Variants in PLCB3 observed in about 807,000 individuals in gnomAD.
PLCB3 encodes 1-phosphatidylinositol 4,5-bisphosphate phosphodiesterase beta-3.
Under a neutral mutation model 152.1 loss-of-function variants are expected in PLCB3, and 54 were observed. The observed-to-expected ratio is 0.36, with a 90% CI of 0.29 to 0.45. PLCB3 has a LOEUF of 0.45. PLCB3 is among the 20% of genes least tolerant of loss of function. PLCB3 has a pLI of 1.00. For missense variants in PLCB3, 1,248 were observed against 1,687.5 expected, an observed-to-expected ratio of 0.74 and a Z score of 4.56; for synonymous variants, 717 against 698.7, an observed-to-expected ratio of 1.03 and a Z score of -0.41.
chr11:64,259,912 G>A lies in PLCB3; in HGVS notation c.1526-117G>A, dbSNP rs182394690. The A allele has an allele frequency of 5.9e-4, 479 of 811,676 alleles. 1 individual carries two copies. The African/African-American group carries it at 7.2e-3, about 12-fold the overall frequency. 50.3% of individuals were successfully genotyped at this position (811,676 alleles called of 1,614,324 possible). A position where few individuals can be genotyped will look rare whatever the true frequency, so the allele number is the denominator to read the frequency against. ...CTCTCCCCAAGCCACACTGCCCTGA[G>A]AGTACCCCTTGAATTCCCCACTGAG... On this transcript the variant is annotated intron_variant, in intron 13 of 30. Coordinates refer to ENST00000279230, the MANE Select transcript of PLCB3 (RefSeq NM_000932.5).
At position 64,261,984 on chromosome 11, in the gene PLCB3, C is replaced by T; in HGVS notation, c.1946C>T (p.Pro649Leu). The T allele has an allele frequency of 6.2e-7, 1 of 1,614,186 alleles. No individual in the cohort carries two copies. Reference sequence around the variant, plus strand: ...AAGCAGCAGCTCAGCCGCATCTACCCCAAGGGCACCCGCGTGGACTCCTCC... The same window carrying T: ...AAGCAGCAGCTCAGCCGCATCTACCTCAAGGGCACCCGCGTGGACTCCTCC... ...YNKQQLSRIY[P>L]KGTRVDSSNY... The change falls in exon 17 of 31, where the codon CCC becomes CTC. Residue 649 changes from proline (P) to leucine (L), a missense_variant. Around this residue, in one of 6 missense-constraint regions of PLCB3, gnomAD observed 244 missense variants for 424.4 expected, o/e 0.57. Transcript: ENST00000279230.
At chr11:64,259,806 A>G (rs1282056079) in intron 13 of PLCB3, among the ~76,000 whole-genome samples, 2 of 152,100 alleles carry the variant, frequency 1.3e-5, no homozygotes, top group Non-Finnish European at 2.9e-5. Context: ...CCTGCTGAAT[A>G]TCACTGCAGA....
intron 14 of PLCB3, among the ~76,000 whole-genome samples, chr11:64,261,169 G>A (rs867966431): frequency 6.6e-6 from 1 of 152,232 alleles, no homozygotes; most frequent in African/African-American, 2.4e-5. Flanking sequence ...GCCGGGCAAG[G>A]TGGCGGGCGC....
chr11:64,253,828 C>A (rs547126960), intron 1 of PLCB3, among the ~76,000 whole-genome samples: 1 of 152,302 alleles, frequency 6.6e-6, no homozygotes, highest in South Asian at 2.1e-4. Context: ...TGTTCTTCTA[C>A]GAGATGGGGA....
chr11:64,251,737 A>C lies in PLCB3; in HGVS notation c.88A>C (p.Lys30Gln). 3.4e-6 allele frequency: 5 copies of C among 1,465,330 alleles called. No homozygotes were observed. Among genetic ancestry groups the C allele is most frequent in the Non-Finnish European group, 3.6e-6 (4 of 1,102,650 alleles). 90.8% of individuals were successfully genotyped at this position (1,465,330 alleles called of 1,614,324 possible). Reference protein sequence around the residue: ...ETLRRGSKFIKWDEETSSRNL... With the variant: ...ETLRRGSKFIQWDEETSSRNL... Reference sequence around the variant, plus strand: ...CCTGCGGCGCGGGAGTAAGTTCATCAAATGGGACGAGGTAAGCGCGCGGGC... The same window carrying C: ...CCTGCGGCGCGGGAGTAAGTTCATCCAATGGGACGAGGTAAGCGCGCGGGC... Residue 30 changes from lysine (K) to glutamine (Q), a missense_variant, in exon 1 of 31, where the codon AAA (lysine) becomes CAA (glutamine). Lys to Gln is a moderately conservative substitution (Grantham distance 53). Transcript: ENST00000279230.
At chr11:64,257,267 G>C (rs2031590478) in intron 10 of PLCB3, among the ~76,000 whole-genome samples, 1 of 152,138 alleles carries the variant, frequency 6.6e-6, no homozygotes, top group South Asian at 2.1e-4. Flanking sequence ...CCCTCCCAAA[G>C]TGCTGGGATT....
chr11:64,255,344 G>A lies in PLCB3; in HGVS notation c.467+31G>A. 6.2e-7 allele frequency: 1 copy of A among 1,613,652 alleles called. No individual in the cohort carries two copies. Among genetic ancestry groups the A allele is most frequent in the African/African-American group, 1.3e-5 (1 of 75,044 alleles). On this transcript the variant is annotated intron_variant, in intron 5 of 30. Coordinates refer to ENST00000279230, the MANE Select transcript of PLCB3 (RefSeq NM_000932.5). The surrounding 1 kb of genome is among the most constrained non-coding windows in gnomAD (Gnocchi z 6.8). ...CCCCAGGCCACCCGAGGGGGAGCCG[G>A]GGGGTTCACGTGGCCGTTTTCAGGG...
At position 64,264,028 on chromosome 11, in the gene PLCB3, G is replaced by A. The variant is rs201346632; in HGVS notation, c.2568G>A (p.Ala856=). 5 of 1,573,758 alleles carry A rather than the reference G, an allele frequency of 3.2e-6. No individual in the cohort carries two copies. Among genetic ancestry groups the A allele is most frequent in the African/African-American group, 2.7e-5 (2 of 73,476 alleles). Residue 856 remains alanine (A), a synonymous_variant, in exon 22 of 31, where the codon GCG becomes GCA. Coordinates refer to ENST00000279230, the MANE Select transcript of PLCB3 (RefSeq NM_000932.5). ...DYIPDDHQDY[A]EALINPIKHV... is the part of the protein sequence containing the mutation. ...CCTTCTGCCTCCCCCCAGACTATGCGGAGGCCCTGATCAACCCCATTAAGC... is the reference window on the plus strand; with the variant it reads ...CCTTCTGCCTCCCCCCAGACTATGCAGAGGCCCTGATCAACCCCATTAAGC...
chr11:64,265,793 C>T (rs1288567945), intron 25 of PLCB3, 93 bp from the exon 26 acceptor site: 2 of 1,460,812 alleles, frequency 1.4e-6, no homozygotes, highest in Non-Finnish European at 1.9e-6. Flanking sequence ...ATGGTGTCTG[C>T]CATCGCTTGC....
At chr11:64,259,397 G>T (rs1174195046) in intron 13 of PLCB3, among the ~76,000 whole-genome samples, 153 bp downstream of exon 13, 2 of 152,000 alleles carry the variant, frequency 1.3e-5, no homozygotes. Flanking sequence ...ACCACCTGTC[G>T]GCTGGTGTGG....
chr11:64,258,668 C>A lies in PLCB3; in HGVS notation c.1208C>A (p.Thr403Asn). 6.2e-7 allele frequency: 1 copy of A among 1,614,054 alleles called. No individual in the cohort carries two copies. The highest frequency in any genetic ancestry group is 8.5e-7 in the Non-Finnish European group (1 of 1,180,010). Residue 403 changes from threonine (T) to asparagine (N), a missense_variant, in exon 11 of 31, where the codon ACC becomes AAC. Physicochemically the swap from Thr to Asn is moderately conservative, Grantham distance 65 (BLOSUM62 0). Coordinates refer to ENST00000279230, the MANE Select transcript of PLCB3 (RefSeq NM_000932.5). The surrounding 1 kb of genome is among the most constrained non-coding windows in gnomAD (Gnocchi z 7.2). ...LEAIAETAFK[T>N]SPYPVILSFE... is the part of the protein sequence containing the mutation. ...GCCATTGCCGAGACTGCCTTCAAGACCTCGCCCTACCCCGTCATCCTCTCC... is the reference window on the plus strand; with the variant it reads ...GCCATTGCCGAGACTGCCTTCAAGAACTCGCCCTACCCCGTCATCCTCTCC...
intron 1 of PLCB3, 23 bp downstream of exon 1, chr11:64,251,771 C>T: frequency 1.5e-6 from 2 of 1,324,404 alleles, no homozygotes; most frequent in South Asian, 3.2e-5. Flanking sequence ...GCCCCTGCTC[C>T]GCCCAAATCC....
At position 64,263,665 on chromosome 11, in the gene PLCB3, C is replaced by T. The variant is rs201633034; in HGVS notation, c.2456-26C>T. On this transcript the variant is annotated intron_variant, in intron 20 of 30. Coordinates refer to ENST00000279230, the MANE Select transcript of PLCB3 (RefSeq NM_000932.5). ...TAGGGCCCCCACCTGGCCCAGCAACCCAACGTTGCCTTCCTGACCACCCAG... is the reference window on the plus strand; with the variant it reads ...TAGGGCCCCCACCTGGCCCAGCAACTCAACGTTGCCTTCCTGACCACCCAG... The T allele has an allele frequency of 1.4e-5, 23 of 1,609,074 alleles. No homozygotes were observed. The East Asian group carries it at 5.1e-4, about 36-fold the overall frequency.
At chr11:64,262,219 C>T in intron 17 of PLCB3, 143 bp downstream of exon 17, 1 of 1,338,940 alleles carries the variant, frequency 7.5e-7, no homozygotes, top group Non-Finnish European at 1.1e-6. Context: ...ACTCACCCCG[C>T]CTCCTGCCCT....
In PLCB3 at chr11:64,266,298, C is replaced by T; in HGVS notation, c.3267-17C>T. The T allele has an allele frequency of 6.2e-7, 1 of 1,613,560 alleles. No individual in the cohort carries two copies. ...TTCTGCCGCTGACCCCTCCTCTTCCCCTGCCGGCTTCTCCAGGGAGAAGAA... is the reference window on the plus strand; with the variant it reads ...TTCTGCCGCTGACCCCTCCTCTTCCTCTGCCGGCTTCTCCAGGGAGAAGAA... On this transcript the variant is annotated splice_polypyrimidine_tract_variant and intron_variant, in intron 27 of 30. Transcript: ENST00000279230. The surrounding 1 kb of genome is among the most constrained non-coding windows in gnomAD (Gnocchi z 4.9).
intron 13 of PLCB3, among the ~76,000 whole-genome samples, 153 bp downstream of exon 13, chr11:64,259,397 G>A (rs1174195046): frequency 1.3e-5 from 2 of 152,000 alleles, no homozygotes; most frequent in South Asian, 2.1e-4. Flanking sequence ...ACCACCTGTC[G>A]GCTGGTGTGG....
At chr11:64,259,963 C>A in intron 13 of PLCB3, 66 bp from the exon 14 acceptor site, 1 of 1,377,790 alleles carries the variant, frequency 7.3e-7, no homozygotes, top group Non-Finnish European at 1.0e-6. Context: ...CTGGGAAAAA[C>A]CCCTCCAGAC....
Position 64,262,765 on chromosome 11 carries a change from C to T in PLCB3, c.2312C>T (p.Ser771Leu), listed in dbSNP as rs749213059. Residue 771 changes from serine to leucine, a missense_variant, in exon 19 of 31, where the codon TCG becomes TTG. Physicochemically the swap from Ser to Leu is moderately radical, Grantham distance 145. Transcript: ENST00000279230. ...CGCACCCGGACCTCTCAGGGGAACT[C>T]GTTCAACCCCGTGTGGGACGAAGAG... ...KYRTRTSQGNSFNPVWDEEPF... is the reference protein window; with the variant it reads ...KYRTRTSQGNLFNPVWDEEPF... The T allele has an allele frequency of 1.2e-6, 2 of 1,613,688 alleles. No individual in the cohort carries two copies. The highest frequency in any genetic ancestry group is 1.1e-5 in the South Asian group (1 of 91,090).
intron 21 of PLCB3, 33 bp downstream of exon 21, chr11:64,263,828 A>G: frequency 6.5e-7 from 1 of 1,548,814 alleles, no homozygotes; most frequent in South Asian, 1.1e-5. Context: ...CTGCCTGGCC[A>G]GGGAGTGTGA....
Sources: gnomAD v4.1 joint callset for allele counts (sites outside exome capture counted in the v4.1 genomes callset) on GRCh38, gnomAD v4.1.1 for gene constraint, gnomAD v4.1.1 regional missense constraint, Gnocchi (gnomAD v3.1) non-coding constraint, MANE v1.5 for transcripts, NCBI Gene and HGNC (gene_info 2026-07-23, HGNC 2026-07-21) for gene names.